PHTF2: variants seen among roughly 807,000 people sequenced by gnomAD.
The protein encoded by PHTF2 is protein PHTF2.
PHTF2 carries 60 observed loss-of-function variants against 101.2 expected under a neutral mutation model. That is an observed-to-expected ratio of 0.59 (90% CI 0.48 to 0.73). The LOEUF is 0.73. Among genes scored for constraint, PHTF2 ranks in the 30% least tolerant of loss-of-function variants. The pLI is 0.00. For missense variants in PHTF2, 747 were observed against 908.7 expected, an observed-to-expected ratio of 0.82 and a Z score of 2.29; for synonymous variants, 311 against 307.3, an observed-to-expected ratio of 1.01 and a Z score of -0.13.
intron 3 of PHTF2, among the ~76,000 whole-genome samples, chr7:77,868,749 G>A (rs1798282424): frequency 6.6e-6 from 1 of 152,158 alleles, no homozygotes; most frequent in South Asian, 2.1e-4. Flanking sequence ...TTTTATGCTT[G>A]CAGATGGAAT....
intron 1 of PHTF2, among the ~76,000 whole-genome samples, chr7:77,833,531 G>GT (rs918832647): frequency 2.6e-5 from 4 of 152,188 alleles, no homozygotes; most frequent in African/African-American, 9.7e-5. Flanking sequence ...GGAGGCTGAG[G>GT]TAAGAAGATT....
chr7:77,888,122 C>CT (rs1222129862), intron 3 of PHTF2, among the ~76,000 whole-genome samples: 18 of 149,578 alleles, frequency 1.2e-4, no homozygotes, highest in East Asian at 1.2e-3. Flanking sequence ...ATGTTAGGTA[C>CT]TTTTTTTTTT....
rs913900908 is a variant in PHTF2, at chr7:77,947,806, G to C, written c.1960-1872G>C. Among the ~76,000 whole-genome samples, 11 of 125,254 alleles carry C rather than the reference G, an allele frequency of 8.8e-5. No homozygotes were observed. The South Asian group carries it at 1.0e-3, about 12-fold the overall frequency. The allele number at this position is 125,254 out of a possible 152,430, so 82.2% of individuals were successfully genotyped here. On this transcript the variant is annotated intron_variant, in intron 16 of 19. Coordinates refer to ENST00000416283, the Ensembl canonical transcript of PHTF2. ...GAACAAGTTGCTGTACCAGAAATATGAAGATTTATTTTCTTTTTTCTTTTT... is the reference window on the plus strand; with the variant it reads ...GAACAAGTTGCTGTACCAGAAATATCAAGATTTATTTTCTTTTTTCTTTTT...
At chr7:77,899,674 T>A (rs990304800) in intron 5 of PHTF2, among the ~76,000 whole-genome samples, 2 of 152,190 alleles carry the variant, frequency 1.3e-5, no homozygotes, top group Admixed American at 1.3e-4. Flanking sequence ...TCAAATATGG[T>A]TCTCTTCTTT....
At chr7:77,890,940 A>C (rs1584613503) in intron 3 of PHTF2, among the ~76,000 whole-genome samples, 7 of 109,838 alleles carry the variant, frequency 6.4e-5, no homozygotes, top group African/African-American at 1.1e-4. Context: ...ACAGCATCTC[A>C]CTCTGTCACC....
At chr7:77,911,697 G>A (rs1343701188) in intron 9 of PHTF2, among the ~76,000 whole-genome samples, 1 of 152,068 alleles carries the variant, frequency 6.6e-6, no homozygotes, top group Non-Finnish European at 1.5e-5. Context: ...GTAATTTTGG[G>A]GAAAGTTTTC....
intron 17 of PHTF2, among the ~76,000 whole-genome samples, chr7:77,951,207 G>A (rs958822727): frequency 6.6e-6 from 1 of 152,208 alleles, no homozygotes; most frequent in African/African-American, 2.4e-5. Context: ...GGGAGGCTGA[G>A]ATGAGAGGAT....
intron 3 of PHTF2, among the ~76,000 whole-genome samples, chr7:77,860,363 T>C (rs1562884474): frequency 6.6e-6 from 1 of 152,232 alleles, no homozygotes; most frequent in Non-Finnish European, 1.5e-5. Context: ...TCTTTGAGGC[T>C]ACAGGATTTT....
intron 1 of PHTF2, among the ~76,000 whole-genome samples, chr7:77,829,628 A>C (rs1008679841): frequency 6.6e-6 from 1 of 152,196 alleles, no homozygotes; most frequent in South Asian, 2.1e-4. Flanking sequence ...CTTTTGTATC[A>C]TTATGAAAGA....
intron 18 of PHTF2, among the ~76,000 whole-genome samples, 185 bp downstream of exon 17, chr7:77,951,897 C>G (rs1212057057): frequency 1.3e-5 from 2 of 152,018 alleles, no homozygotes; most frequent in African/African-American, 2.4e-5. Flanking sequence ...TTGAACTAAT[C>G]CAAATAATTT....
chr7:77,930,127 T>C (rs1381245907), intron 12 of PHTF2, among the ~76,000 whole-genome samples: 1 of 151,928 alleles, frequency 6.6e-6, no homozygotes, highest in Non-Finnish European at 1.5e-5. Context: ...CTAATTTTTA[T>C]GTTATTAGTA....
chr7:77,854,933 T>C, intron 3 of PHTF2: 1 of 632,758 alleles, frequency 1.6e-6, no homozygotes, highest in Non-Finnish European at 2.9e-6. Flanking sequence ...AGGCCTGGAA[T>C]CAAGGAACCC....
In PHTF2 at chr7:77,912,550, T is replaced by C. The variant is rs188141313; in HGVS notation, c.776+2141T>C. Among the ~76,000 whole-genome samples, 6 of 152,152 alleles carry C rather than the reference T, an allele frequency of 3.9e-5. No individual in the cohort carries two copies. The East Asian group carries it at 9.7e-4, about 24-fold the overall frequency. On this transcript the variant is annotated intron_variant, in intron 9 of 19. Transcript: ENST00000416283. ...GGATACTTCCGTTAAGTTATCTCTGTTAACATAACTGATAGGAAAATAAAT... is the reference window on the plus strand; with the variant it reads ...GGATACTTCCGTTAAGTTATCTCTGCTAACATAACTGATAGGAAAATAAAT...
chr7:77,803,643 A>G (rs1248137505), intron 1 of PHTF2, among the ~76,000 whole-genome samples: 1 of 152,078 alleles, frequency 6.6e-6, no homozygotes, highest in Non-Finnish European at 1.5e-5. Flanking sequence ...TTCTAAGACT[A>G]GCTCAAAAAG....
chr7:77,846,374 A>G (rs1796280092), intron 2 of PHTF2, among the ~76,000 whole-genome samples: 1 of 152,178 alleles, frequency 6.6e-6, no homozygotes, highest in Non-Finnish European at 1.5e-5. Flanking sequence ...CATCCTAAAA[A>G]CAACCAATAA....
intron 1 of PHTF2, among the ~76,000 whole-genome samples, chr7:77,821,506 C>T (rs1277694131): frequency 2.6e-5 from 4 of 151,858 alleles, no homozygotes; most frequent in Admixed American, 6.6e-5. Context: ...GGCTGTTTCT[C>T]AGGTTTGGGA....
intron 3 of PHTF2, among the ~76,000 whole-genome samples, chr7:77,863,596 C>T (rs1396550738): frequency 2.0e-5 from 3 of 151,740 alleles, no homozygotes; most frequent in Admixed American, 1.3e-4. Context: ...CCCTGTCCAC[C>T]TCACCTGGTC....
intron 3 of PHTF2, among the ~76,000 whole-genome samples, chr7:77,883,190 G>T (rs1799554906): frequency 6.6e-6 from 1 of 152,056 alleles, no homozygotes; most frequent in African/African-American, 2.4e-5. Flanking sequence ...ATATCCAAAG[G>T]ATTGAGAACT....
chr7:77,887,993 C>A (rs1008709968), intron 3 of PHTF2, among the ~76,000 whole-genome samples: 1 of 152,166 alleles, frequency 6.6e-6, no homozygotes, highest in East Asian at 1.9e-4. Context: ...TGAAACAGAT[C>A]ATTACTTATG....
Sources: allele counts gnomAD v4.1 joint callset (sites outside exome capture counted in the v4.1 genomes callset), GRCh38; gene constraint gnomAD v4.1.1; transcripts MANE v1.5; gene names NCBI Gene and HGNC (gene_info 2026-07-23, HGNC 2026-07-21).